GPR158: variants seen among roughly 807,000 people sequenced by gnomAD.
GPR158 encodes the protein G protein-coupled receptor 158.
A neutral mutation model predicts 78.2 loss-of-function variants in GPR158; 30 were observed. The observed-to-expected ratio is 0.38, with a 90% CI of 0.29 to 0.52. GPR158 has a LOEUF of 0.52. GPR158 is among the 20% of genes least tolerant of loss of function. The pLI is 0.83. For missense variants in GPR158, 1,463 were observed against 1,523.5 expected (o/e 0.96, Z 0.66); for synonymous variants, 581 against 591.1 (o/e 0.98, Z 0.25).
intron 2 of GPR158, among the ~76,000 whole-genome samples, chr10:25,232,081 T>A (rs2130696275): frequency 6.6e-6 from 1 of 152,214 alleles, no homozygotes; most frequent in East Asian, 1.9e-4. Context: ...AATATGAAGT[T>A]AGTGAACAGA....
rs545582396 is a variant in GPR158, at chr10:25,295,002, G to A, written c.1008+73845G>A. Among the ~76,000 whole-genome samples the A allele has an allele frequency of 2.0e-4, 30 of 152,266 alleles. No individual in the cohort carries two copies. In the South Asian group the frequency reaches 6.2e-3, roughly 32 times the overall value. On this transcript the variant is annotated intron_variant, in intron 2 of 10. Coordinates refer to ENST00000376351, the MANE Select transcript of GPR158 (RefSeq NM_020752.3). ...CTAATTCAATACTTGAAAAGAAGAG[G>A]ACATGGAAGTTGACGCTTTGCCAGC... is the stretch of plus-strand genomic sequence containing the variant.
At chr10:25,411,599 G>A (rs1234780270) in intron 3 of GPR158, among the ~76,000 whole-genome samples, 4 of 152,116 alleles carry the variant, frequency 2.6e-5, no homozygotes, top group African/African-American at 7.2e-5. Context: ...TTTGTGGAAT[G>A]TGATTTTTGC....
At chr10:25,566,161 A>T (rs1178517580) in intron 6 of GPR158, among the ~76,000 whole-genome samples, 8 of 152,164 alleles carry the variant, frequency 5.3e-5, no homozygotes, top group Non-Finnish European at 1.2e-4. Context: ...TTGGGAGCAT[A>T]GATAAGTTCT....
intron 2 of GPR158, among the ~76,000 whole-genome samples, chr10:25,384,602 T>C (rs1276656408): frequency 1.3e-5 from 2 of 152,154 alleles, no homozygotes; most frequent in South Asian, 2.1e-4. Flanking sequence ...ACATAAACTT[T>C]ATTTATTTGA....
At chr10:25,595,270 A>G (rs1311253015) in intron 9 of GPR158, among the ~76,000 whole-genome samples, 1 of 152,188 alleles carries the variant, frequency 6.6e-6, no homozygotes, top group Non-Finnish European at 1.5e-5. Flanking sequence ...AAACAGAACA[A>G]GATACCTATT....
intron 6 of GPR158, among the ~76,000 whole-genome samples, chr10:25,562,653 A>G (rs988770702): frequency 3.3e-5 from 5 of 152,002 alleles, no homozygotes; most frequent in African/African-American, 9.7e-5. Flanking sequence ...TATGATTTCA[A>G]TTTTCTGAAA....
chr10:25,551,635 C>T (rs1836726154), intron 6 of GPR158, among the ~76,000 whole-genome samples: 1 of 152,122 alleles, frequency 6.6e-6, no homozygotes, highest in South Asian at 2.1e-4. Context: ...ATACTTAGTT[C>T]TAAACCACCT....
intron 4 of GPR158, among the ~76,000 whole-genome samples, chr10:25,458,084 A>T (rs1478624104): frequency 6.6e-6 from 1 of 152,214 alleles, no homozygotes; most frequent in Non-Finnish European, 1.5e-5. Flanking sequence ...TTTAAATAAC[A>T]TCAAATTATG....
intron 5 of GPR158, among the ~76,000 whole-genome samples, chr10:25,470,548 TAAGACA>T (rs1176186625): frequency 6.6e-6 from 1 of 152,102 alleles, no homozygotes; most frequent in Non-Finnish European, 1.5e-5. Context: ...ACAAACAGAC[TAAGACA>T]ATCAGTATTA....
At chr10:25,268,437 A>G (rs1168663408) in intron 2 of GPR158, among the ~76,000 whole-genome samples, 1 of 152,128 alleles carries the variant, frequency 6.6e-6, no homozygotes, top group Non-Finnish European at 1.5e-5. Flanking sequence ...GATCAAATTC[A>G]TAAATGAGAT....
intron 3 of GPR158, among the ~76,000 whole-genome samples, chr10:25,396,771 T>C (rs1046895944): frequency 2.6e-5 from 4 of 152,194 alleles, no homozygotes; most frequent in African/African-American, 9.6e-5. Flanking sequence ...ATATTACATG[T>C]AGAAATTTAT....
At chr10:25,508,276 C>G (rs1461485711) in intron 5 of GPR158, among the ~76,000 whole-genome samples, 9 of 152,112 alleles carry the variant, frequency 5.9e-5, no homozygotes, top group Non-Finnish European at 1.3e-4. Flanking sequence ...TCCAGGAAAA[C>G]TGAAACCACA....
At chr10:25,241,264 TTTCTTTCC>T (rs1853612633) in intron 2 of GPR158, among the ~76,000 whole-genome samples, 4 of 129,260 alleles carry the variant, frequency 3.1e-5, no homozygotes, top group African/African-American at 1.2e-4. Flanking sequence ...CTTTCCTTTC[TTTCTTTCC>T]TTTCTTTCTT....
chr10:25,398,905 A>G (rs912182031), intron 3 of GPR158, among the ~76,000 whole-genome samples: 2 of 152,148 alleles, frequency 1.3e-5, no homozygotes, highest in African/African-American at 4.8e-5. Context: ...GGGGTCCCCA[A>G]CCCTCGAGCT....
chr10:25,465,188 A>AT (rs1205320030), intron 4 of GPR158, among the ~76,000 whole-genome samples: 6 of 152,082 alleles, frequency 3.9e-5, no homozygotes, highest in Non-Finnish European at 8.8e-5. Flanking sequence ...GCCTTTCAGA[A>AT]TTTTTTTATT....
At chr10:25,595,041 G>C (rs928646289) in intron 9 of GPR158, among the ~76,000 whole-genome samples, 1 of 151,896 alleles carries the variant, frequency 6.6e-6, no homozygotes, top group African/African-American at 2.4e-5. Flanking sequence ...TTCTCTGGGG[G>C]GAAGGTATTA....
At chr10:25,352,933 A>G (rs528618045) in intron 2 of GPR158, among the ~76,000 whole-genome samples, 3 of 152,182 alleles carry the variant, frequency 2.0e-5, no homozygotes, top group South Asian at 2.1e-4. Context: ...AAAATACATA[A>G]AAATATAAAA....
intron 4 of GPR158, among the ~76,000 whole-genome samples, chr10:25,423,120 C>T (rs1441755548): frequency 2.0e-5 from 3 of 147,486 alleles, no homozygotes; most frequent in African/African-American, 2.6e-5. Context: ...CACATATATA[C>T]ATATATATGT....
Position 25,599,467 on chromosome 10 carries a change from T to A in GPR158, c.*193T>A. On this transcript the variant is annotated 3_prime_UTR_variant, in exon 11 of 11. Coordinates refer to ENST00000376351, the MANE Select transcript of GPR158 (RefSeq NM_020752.3). ...AACGTCATAATGGAGAAGTCAGACTTTGGTCAAGAAAGTCCTTCCCTTGGT... is the reference window on the plus strand; with the variant it reads ...AACGTCATAATGGAGAAGTCAGACTATGGTCAAGAAAGTCCTTCCCTTGGT... 1 of 568,522 alleles carries A rather than the reference T, an allele frequency of 1.8e-6. No individual in the cohort carries two copies. The allele number at this position is 568,522 out of a possible 1,614,324, so 35.2% of individuals were successfully genotyped here. A position where few individuals can be genotyped will look rare whatever the true frequency, so the allele number is the denominator to read the frequency against.
Sources: gnomAD v4.1 joint callset for allele counts (sites outside exome capture counted in the v4.1 genomes callset) on GRCh38, gnomAD v4.1.1 for gene constraint, MANE v1.5 for transcripts, NCBI Gene and HGNC (gene_info 2026-07-23, HGNC 2026-07-21) for gene names.